The following LEF1 variants were observed in gnomAD, a reference collection of about 807,000 sequenced individuals.
LEF1 encodes the protein lymphoid enhancer-binding factor 1.
Under a neutral mutation model 51.2 loss-of-function variants are expected in LEF1, and 14 were observed. That is an observed-to-expected ratio of 0.27 (90% CI 0.18 to 0.43). LEF1 has a LOEUF of 0.43. Among genes scored for constraint, LEF1 ranks in the 20% least tolerant of loss-of-function variants. LEF1 has a pLI of 1.00. For missense variants in LEF1, 386 were observed against 512.0 expected (o/e 0.75, Z 2.37); for synonymous variants, 185 against 183.2 (o/e 1.01, Z -0.08).
Position 108,089,277 on chromosome 4 carries a change from T to C in LEF1, c.415-20A>G, listed in dbSNP as rs752119090. On this transcript the variant is annotated intron_variant, in intron 3 of 11. Coordinates refer to ENST00000265165, the MANE Select transcript of LEF1 (RefSeq NM_016269.5). ...ATTTGACTGCAAAGTAACCACAAGG[T>C]CAATAGTTAATATGGATGCCCAGCT... 6.2e-7 allele frequency: 1 copy of C among 1,609,932 alleles called. No homozygotes were observed. Among genetic ancestry groups the C allele is most frequent in the African/African-American group, 1.3e-5 (1 of 74,688 alleles).
At chr4:108,166,313 A>G in intron 1 of LEF1, 1 of 1,532,528 alleles carries the variant, frequency 6.5e-7, no homozygotes, top group Non-Finnish European at 8.7e-7. Context: ...AGGTGTTCTT[A>G]AACGCGCTGT....
intron 3 of LEF1, among the ~76,000 whole-genome samples, chr4:108,129,891 C>T (rs1182619918): frequency 6.6e-6 from 1 of 152,056 alleles, no homozygotes; most frequent in Non-Finnish European, 1.5e-5. Flanking sequence ...ACTGTGTATG[C>T]TTTGAACAAT....
chr4:108,094,669 T>C lies in LEF1; in HGVS notation c.415-5412A>G, dbSNP rs117700244. Among the ~76,000 whole-genome samples, 182 of 152,302 alleles carry C rather than the reference T, an allele frequency of 1.2e-3. 5 individuals carry two copies. The East Asian group carries it at 0.032, about 27-fold the overall frequency. On this transcript the variant is annotated intron_variant, in intron 3 of 11. Transcript: ENST00000265165. Reference sequence around the variant, plus strand: ...CCACATCTCCAGGTTCTAACTAAACTAAACCCAAAGTGCGGGATCTGGCTG... The same window carrying C: ...CCACATCTCCAGGTTCTAACTAAACCAAACCCAAAGTGCGGGATCTGGCTG...
chr4:108,114,090 T>TGAA (rs1368497647), intron 3 of LEF1, among the ~76,000 whole-genome samples: 1 of 152,188 alleles, frequency 6.6e-6, no homozygotes, highest in Non-Finnish European at 1.5e-5. Context: ...AAAGCTATTC[T>TGAA]TTTCATTGCA....
rs115648683 is a variant in LEF1, at chr4:108,087,676, G to C, written c.547+1449C>G. Among the ~76,000 whole-genome samples the C allele has an allele frequency of 3.4e-3, 515 of 152,312 alleles. 3 individuals carry two copies. Among genetic ancestry groups the C allele is most frequent in the African/African-American group, 0.012 (499 of 41,562 alleles). Reference sequence around the variant, plus strand: ...TCAAATAGGACCTAGGACAGGGTAAGCACTATTTAATTGTTAAATAAAGAA... The same window carrying C: ...TCAAATAGGACCTAGGACAGGGTAACCACTATTTAATTGTTAAATAAAGAA... On this transcript the variant is annotated intron_variant, in intron 4 of 11. Coordinates refer to ENST00000265165, the MANE Select transcript of LEF1 (RefSeq NM_016269.5).
At chr4:108,087,267 A>G (rs1364500953) in intron 4 of LEF1, among the ~76,000 whole-genome samples, 1 of 152,222 alleles carries the variant, frequency 6.6e-6, no homozygotes, top group Non-Finnish European at 1.5e-5. Flanking sequence ...AAGGCCTGGG[A>G]TAAAACAGGA....
intron 11 of LEF1, among the ~76,000 whole-genome samples, chr4:108,052,402 T>C (rs1560752054): frequency 6.6e-6 from 1 of 152,230 alleles, no homozygotes; most frequent in Non-Finnish European, 1.5e-5. Context: ...ATGTGCAATT[T>C]GAGGGGAGAA....
At chr4:108,108,569 G>C (rs1741323002) in intron 3 of LEF1, among the ~76,000 whole-genome samples, 1 of 151,990 alleles carries the variant, frequency 6.6e-6, no homozygotes, top group African/African-American at 2.4e-5. Context: ...CTTGGAACTG[G>C]GGATACTTCC....
chr4:108,149,449 A>C (rs572105681), intron 3 of LEF1, among the ~76,000 whole-genome samples: 98 of 144,348 alleles, frequency 6.8e-4, no homozygotes, highest in Non-Finnish European at 1.3e-3. Context: ...ACAGAGCGAG[A>C]CTCCGTCTCA....
chr4:108,062,395 T>C (rs1737754790), intron 11 of LEF1, among the ~76,000 whole-genome samples: 1 of 152,168 alleles, frequency 6.6e-6, no homozygotes, highest in Non-Finnish European at 1.5e-5. Flanking sequence ...GGACAGCATG[T>C]GCGGTGCCCT....
At chr4:108,086,577 A>G (rs1057407349) in intron 4 of LEF1, among the ~76,000 whole-genome samples, 10 of 152,208 alleles carry the variant, frequency 6.6e-5, no homozygotes, top group Admixed American at 3.3e-4. Flanking sequence ...GAAGTTATGT[A>G]ATTGCTACTG....
intron 3 of LEF1, among the ~76,000 whole-genome samples, chr4:108,104,043 C>T (rs7665096): frequency 0.57 from 86,231 of 151,976 alleles, 24,839 homozygotes; most frequent in Middle Eastern, 0.72. Context: ...AATTGTGGTA[C>T]ATATAATGCA....
intron 3 of LEF1, among the ~76,000 whole-genome samples, chr4:108,150,103 C>T (rs1244862805): frequency 6.6e-6 from 1 of 152,154 alleles, no homozygotes; most frequent in African/African-American, 2.4e-5. Context: ...TAATTCTAAA[C>T]TAATTTCTCT....
intron 11 of LEF1, among the ~76,000 whole-genome samples, chr4:108,058,258 A>G (rs1448270975): frequency 6.6e-6 from 1 of 152,194 alleles, no homozygotes; most frequent in African/African-American, 2.4e-5. Context: ...GTATCTAAAA[A>G]TATCTTTTCA....
chr4:108,127,857 A>G (rs894131360), intron 3 of LEF1, among the ~76,000 whole-genome samples: 40 of 152,162 alleles, frequency 2.6e-4, no homozygotes, highest in African/African-American at 9.4e-4. Context: ...AAAAAGAATG[A>G]GGTCAGGGAT....
chr4:108,099,580 A>ATATATATATATATATGTGTG (rs1740651314), intron 3 of LEF1, among the ~76,000 whole-genome samples: 1 of 37,052 alleles, frequency 2.7e-5, no homozygotes, highest in East Asian at 5.2e-4. Flanking sequence ...GTATATATAT[A>ATATATATATATATATGTGTG]TATATATATA....
In LEF1 at chr4:108,132,225, T is replaced by C. The variant is rs551865718; in HGVS notation, c.414+31343A>G. Among the ~76,000 whole-genome samples the C allele has an allele frequency of 3.9e-5, 6 of 152,238 alleles. No homozygotes were observed. The South Asian group carries it at 1.2e-3, about 32-fold the overall frequency. On this transcript the variant is annotated intron_variant, in intron 3 of 11. Transcript: ENST00000265165. ...TAGTATTGTATTCCCACTGACATTCTGGAGACGATTCTGTTCCCCAGCCAA... is the reference window on the plus strand; with the variant it reads ...TAGTATTGTATTCCCACTGACATTCCGGAGACGATTCTGTTCCCCAGCCAA...
Position 108,083,421 on chromosome 4 carries a change from A to G in LEF1, c.573T>C (p.Pro191=). The G allele has an allele frequency of 6.2e-7, 1 of 1,613,252 alleles. No homozygotes were observed. The highest frequency in any genetic ancestry group is 8.5e-7 in the Non-Finnish European group (1 of 1,179,310). The change falls in exon 5 of 12, where the codon CCT becomes CCC. Residue 191 remains proline (P), a synonymous_variant. Coordinates refer to ENST00000265165, the MANE Select transcript of LEF1 (RefSeq NM_016269.5). The part of the protein sequence containing the change: ...KQGMSRHPPA[P]DIPTFYPLSP... ...ACAAGGGATAAAAAGTAGGGATATCAGGAGCTGGAGGATGTCTGGACATGC... is the reference window on the plus strand; with the variant it reads ...ACAAGGGATAAAAAGTAGGGATATCGGGAGCTGGAGGATGTCTGGACATGC...
rs796280116 is a variant in LEF1 at position 108,105,907 on chromosome 4, GCT to G, written c.415-16652_415-16651del. Among the ~76,000 whole-genome samples the G allele has an allele frequency of 5.3e-5, 8 of 152,304 alleles. 1 individual carries two copies. The highest frequency in any genetic ancestry group is 1.7e-4 in the African/African-American group (7 of 41,572). The stretch of plus-strand genomic sequence containing the variant: ...CAGTTTATTAATGTAGAATTCCAGA[GCT>G]GAAGGAGCCTAAGCGTTCAATAAAT... On this transcript the variant is annotated intron_variant, in intron 3 of 11. Transcript: ENST00000265165.
Sources: allele counts gnomAD v4.1 joint callset (sites outside exome capture counted in the v4.1 genomes callset), GRCh38; gene constraint gnomAD v4.1.1; transcripts MANE v1.5; gene names NCBI Gene and HGNC (gene_info 2026-07-23, HGNC 2026-07-21).